GALNTL6: variants seen among roughly 807,000 people sequenced by gnomAD.
GALNTL6 encodes polypeptide N-acetylgalactosaminyltransferase like 6.
In GALNTL6, 46 loss-of-function variants were observed where a neutral mutation model predicts 73.7. The observed-to-expected ratio is 0.62, with a 90% CI of 0.49 to 0.80. The LOEUF is 0.80. Among genes scored for constraint, GALNTL6 ranks in the 30% least tolerant of loss-of-function variants. GALNTL6 has a pLI of 0.00. For missense variants in GALNTL6, 604 were observed against 755.0 expected, an observed-to-expected ratio of 0.80 and a Z score of 2.34; for synonymous variants, 259 against 263.7, an observed-to-expected ratio of 0.98 and a Z score of 0.17.
intron 5 of GALNTL6, among the ~76,000 whole-genome samples, chr4:172,443,121 C>CATGTATATAT (rs1731892561): frequency 1.9e-5 from 1 of 52,004 alleles, no homozygotes; most frequent in Non-Finnish European, 3.8e-5. Context: ...GATCCATATA[C>CATGTATATAT]ATATATATAT....
chr4:172,162,182 C>T (rs949701895), intron 2 of GALNTL6, among the ~76,000 whole-genome samples: 2 of 151,160 alleles, frequency 1.3e-5, no homozygotes, highest in African/African-American at 4.9e-5. Context: ...GAATTTGTGA[C>T]GCTTTCCATG....
chr4:172,155,051 G>A (rs1200121580), intron 2 of GALNTL6, among the ~76,000 whole-genome samples: 2 of 151,192 alleles, frequency 1.3e-5, no homozygotes, highest in Non-Finnish European at 2.9e-5. Flanking sequence ...AGGCTGGAGT[G>A]CAGTGGCACA....
chr4:172,818,250 A>G (rs926943130), intron 7 of GALNTL6, among the ~76,000 whole-genome samples: 2 of 152,232 alleles, frequency 1.3e-5, no homozygotes, highest in African/African-American at 2.4e-5. Context: ...GTTAATTTCT[A>G]GAGAATTTAT....
At chr4:172,156,020 G>A (rs949310063) in intron 2 of GALNTL6, among the ~76,000 whole-genome samples, 3 of 152,012 alleles carry the variant, frequency 2.0e-5, no homozygotes, top group Non-Finnish European at 2.9e-5. Context: ...CCCCGAGAAC[G>A]TGCCAACAGA....
chr4:172,319,241 G>T (rs1740674628), intron 4 of GALNTL6, among the ~76,000 whole-genome samples: 1 of 152,218 alleles, frequency 6.6e-6, no homozygotes, highest in African/African-American at 2.4e-5. Context: ...CTAGCACTTA[G>T]ATTGTGATGC....
chr4:172,441,237 A>G lies in GALNTL6; in HGVS notation c.553+92548A>G, dbSNP rs571811585. Among the ~76,000 whole-genome samples the G allele has an allele frequency of 2.6e-5, 4 of 152,262 alleles. No individual in the cohort carries two copies. The South Asian group carries it at 8.3e-4, about 31-fold the overall frequency. The stretch of plus-strand genomic sequence containing the variant: ...CTTTACCATATCCAAATATACACTC[A>G]TTGATATCCAAACAGTAATATTGTC... On this transcript the variant is annotated intron_variant, in intron 5 of 12. Transcript: ENST00000506823.
intron 3 of GALNTL6, 30 bp downstream of exon 3, chr4:172,229,794 A>G (rs367935950): frequency 1.1e-5 from 15 of 1,332,372 alleles, no homozygotes; most frequent in South Asian, 2.4e-5. Context: ...CCAAAGTGCT[A>G]TTTCACTCGC....
chr4:172,485,203 T>C (rs1452495983), intron 5 of GALNTL6, among the ~76,000 whole-genome samples: 1 of 151,790 alleles, frequency 6.6e-6, no homozygotes, highest in Non-Finnish European at 1.5e-5. Context: ...TTCTACCCCA[T>C]TTTTTTTCAG....
rs187295155 is a variant in GALNTL6, at chr4:172,911,528, C to G, written c.1042-19633C>G. On this transcript the variant is annotated intron_variant, in intron 8 of 12. Coordinates refer to ENST00000506823, the MANE Select transcript of GALNTL6 (RefSeq NM_001034845.3). Reference sequence around the variant, plus strand: ...CACAAGAAAATATCTGGAATTGTTCCTATGGAATTTTTTCCTACAGTATTT... The same window carrying G: ...CACAAGAAAATATCTGGAATTGTTCGTATGGAATTTTTTCCTACAGTATTT... 4.2e-3 allele frequency among the ~76,000 whole-genome samples: 643 copies of G among 152,282 alleles called. 5 individuals carry two copies. The highest frequency in any genetic ancestry group is 6.3e-3 in the Non-Finnish European group (428 of 68,022).
intron 3 of GALNTL6, among the ~76,000 whole-genome samples, chr4:172,295,989 A>G (rs1020422304): frequency 6.6e-6 from 1 of 152,140 alleles, no homozygotes; most frequent in Admixed American, 6.6e-5. Context: ...TAGTATCAAT[A>G]GATAGTATCG....
intron 2 of GALNTL6, among the ~76,000 whole-genome samples, chr4:172,102,203 G>T (rs939962831): frequency 3.3e-5 from 5 of 152,062 alleles, no homozygotes; most frequent in Admixed American, 2.0e-4. Flanking sequence ...AAATTTATTC[G>T]AATGTAATTT....
At chr4:171,903,247 A>G (rs1158987020) in intron 2 of GALNTL6, among the ~76,000 whole-genome samples, 3 of 152,072 alleles carry the variant, frequency 2.0e-5, no homozygotes, top group Non-Finnish European at 2.9e-5. Flanking sequence ...TCATCTCACT[A>G]GGGAGTGCCA....
intron 5 of GALNTL6, among the ~76,000 whole-genome samples, chr4:172,561,021 A>G (rs1736333384): frequency 6.6e-6 from 1 of 152,046 alleles, no homozygotes; most frequent in Non-Finnish European, 1.5e-5. Flanking sequence ...TGGGAGGCCA[A>G]GGCGGGTGGA....
At chr4:172,362,550 G>A (rs1370225504) in intron 5 of GALNTL6, among the ~76,000 whole-genome samples, 1 of 151,854 alleles carries the variant, frequency 6.6e-6, no homozygotes, top group Non-Finnish European at 1.5e-5. Context: ...GATCCTCAGG[G>A]TTCCACTCAT....
chr4:172,462,983 A>G (rs1163408232), intron 5 of GALNTL6, among the ~76,000 whole-genome samples: 1 of 152,182 alleles, frequency 6.6e-6, no homozygotes, highest in African/African-American at 2.4e-5. Flanking sequence ...TCCACAAAAT[A>G]CAAGGACTGC....
intron 5 of GALNTL6, among the ~76,000 whole-genome samples, chr4:172,518,074 A>T (rs181033992): frequency 1.3e-3 from 195 of 152,062 alleles, no homozygotes; most frequent in Non-Finnish European, 2.4e-3. Flanking sequence ...GGCTTTTAAG[A>T]CTATAAATCG....
intron 5 of GALNTL6, among the ~76,000 whole-genome samples, chr4:172,454,975 C>A (rs779680260): frequency 6.6e-6 from 1 of 152,144 alleles, no homozygotes; most frequent in African/African-American, 2.4e-5. Context: ...AAGATCAATG[C>A]AGAAGGCAGG....
chr4:172,773,958 A>G (rs919866833), intron 5 of GALNTL6, among the ~76,000 whole-genome samples: 7 of 139,158 alleles, frequency 5.0e-5, no homozygotes, highest in African/African-American at 1.5e-4. Context: ...GTATTGTGAT[A>G]GTTTAAAAGA....
chr4:172,079,356 G>A (rs1731807175), intron 2 of GALNTL6, among the ~76,000 whole-genome samples: 1 of 151,814 alleles, frequency 6.6e-6, no homozygotes, highest in South Asian at 2.1e-4. Context: ...ATTTAACCAA[G>A]CCTGTATTAT....
Sources: gnomAD v4.1 joint callset for allele counts (sites outside exome capture counted in the v4.1 genomes callset) on GRCh38, gnomAD v4.1.1 for gene constraint, MANE v1.5 for transcripts, NCBI Gene and HGNC (gene_info 2026-07-23, HGNC 2026-07-21) for gene names.